LGI2: variants seen among roughly 807,000 people sequenced by gnomAD.
LGI2 encodes the protein leucine rich repeat LGI family member 2.
In LGI2, 30 loss-of-function variants were observed where a neutral mutation model predicts 52.0. The ratio of observed to expected loss-of-function variants is 0.58; its 90% CI spans 0.43 to 0.78. LGI2 has a LOEUF of 0.78. Among genes scored for constraint, LGI2 ranks in the 30% least tolerant of loss-of-function variants. The pLI, the probability that LGI2 is intolerant of heterozygous loss-of-function variation, is 0.00. For synonymous variants in LGI2, 270 were observed against 271.8 expected, an observed-to-expected ratio of 0.99 and a Z score of 0.06; for missense variants, 573 against 692.5, an observed-to-expected ratio of 0.83 and a Z score of 1.94.
intron 6 of LGI2, among the ~76,000 whole-genome samples, chr4:25,014,925 G>A (rs1390146385): frequency 2.0e-5 from 3 of 151,112 alleles, no homozygotes; most frequent in Non-Finnish European, 4.4e-5. Context: ...GAGGACCAGA[G>A]GAATTTAAAT....
At chr4:25,021,399 T>C (rs1237765510) in intron 4 of LGI2, among the ~76,000 whole-genome samples, 4 of 152,210 alleles carry the variant, frequency 2.6e-5, no homozygotes, top group Admixed American at 6.5e-5. Flanking sequence ...TCTTTTCCTA[T>C]GCATGTGAGT....
At chr4:25,026,468 C>A (rs1405021800) in intron 3 of LGI2, among the ~76,000 whole-genome samples, 1 of 152,018 alleles carries the variant, frequency 6.6e-6, no homozygotes, top group African/African-American at 2.4e-5. Context: ...TGAAGTTGTA[C>A]CCCCCAAATA....
rs138599147 is a variant in LGI2 at position 25,003,530 on chromosome 4, C to T, written c.1559G>A (p.Arg520Lys). Reference protein sequence around the residue: ...PRSFTAVSTDRRDFFFASSFK... With the variant: ...PRSFTAVSTDKRDFFFASSFK... ...ACTGGATGCAAAAAAGAAATCTCTC[C>T]TGTCGGTGGAGACAGCTGTGAATGA... Residue 520 changes from arginine (R) to lysine (K), a missense_variant, in exon 8 of 8, where the codon AGG becomes AAG. Coordinates refer to ENST00000382114, the MANE Select transcript of LGI2 (RefSeq NM_018176.4). The T allele has an allele frequency of 8.7e-6, 14 of 1,611,522 alleles. No homozygotes were observed. The highest frequency in any genetic ancestry group is 1.7e-4 in the Middle Eastern group (1 of 6,058).
At chr4:25,027,941 G>A (rs79649751) in intron 2 of LGI2, among the ~76,000 whole-genome samples, 6,495 of 152,280 alleles carry the variant, frequency 0.043, 457 homozygotes, top group African/African-American at 0.15. Flanking sequence ...TGGGCTTTTG[G>A]CCCTGGACTA....
downstream of LGI2, among the ~76,000 whole-genome samples, chr4:24,997,883 ATTTTT>A (rs10708368): frequency 6.6e-6 from 1 of 151,272 alleles, no homozygotes; most frequent in Non-Finnish European, 1.5e-5. Context: ...GATGCAGAAC[ATTTTT>A]TTTTAAGAGA....
At chr4:24,995,975 G>A (rs1725063725), downstream of LGI2, among the ~76,000 whole-genome samples, 1 of 152,222 alleles carries the variant, frequency 6.6e-6, no homozygotes, top group Admixed American at 6.5e-5. Flanking sequence ...GTAAAGGTGA[G>A]CTTTGCGGAA....
Position 25,030,481 on chromosome 4 carries a change from G to A in LGI2, c.197+16C>T. 1 of 1,573,362 alleles carries A rather than the reference G, an allele frequency of 6.4e-7. No individual in the cohort carries two copies. The highest frequency in any genetic ancestry group is 1.3e-5 in the African/African-American group (1 of 74,484). ...GTGGGGCGGGACGGGATGGGGGCTG[G>A]AGGGGTCCCACTCACAGGGAGCTGA... is the stretch of plus-strand genomic sequence containing the variant. On this transcript the variant is annotated intron_variant, in intron 1 of 7. Coordinates refer to ENST00000382114, the MANE Select transcript of LGI2 (RefSeq NM_018176.4).
At chr4:25,014,376 T>G (rs140537891) in intron 6 of LGI2, among the ~76,000 whole-genome samples, 50 of 152,320 alleles carry the variant, frequency 3.3e-4, no homozygotes, top group African/African-American at 1.2e-3. Flanking sequence ...CCCCATATAG[T>G]GGTTTCATAA....
At position 25,021,747 on chromosome 4, in the gene LGI2, C is replaced by T. The variant is rs1427939326; in HGVS notation, c.414-2509G>A. Among the ~76,000 whole-genome samples, 8 of 151,978 alleles carry T rather than the reference C, an allele frequency of 5.3e-5. No individual in the cohort carries two copies. The East Asian group carries it at 9.7e-4, about 18-fold the overall frequency. ...GAGATTGAGACCATCCTGGCTAACACGGTGAAACGCTGTCTCTACTAAAAA... is the reference window on the plus strand; with the variant it reads ...GAGATTGAGACCATCCTGGCTAACATGGTGAAACGCTGTCTCTACTAAAAA... On this transcript the variant is annotated intron_variant, in intron 4 of 7. Coordinates refer to ENST00000382114, the MANE Select transcript of LGI2 (RefSeq NM_018176.4).
At chr4:25,021,930 C>CAAAAAAA (rs35526176) in intron 4 of LGI2, among the ~76,000 whole-genome samples, 4 of 76,558 alleles carry the variant, frequency 5.2e-5, no homozygotes, top group African/African-American at 8.4e-5. Context: ...GATTCCATCT[C>CAAAAAAA]AAAAAAAAAA....
At chr4:25,022,744 G>A (rs546225955) in intron 4 of LGI2, among the ~76,000 whole-genome samples, 15 of 152,314 alleles carry the variant, frequency 9.8e-5, no homozygotes, top group Non-Finnish European at 1.9e-4. Flanking sequence ...AAATACCCGC[G>A]CATGATACCT....
intron 4 of LGI2, 111 bp from the exon 5 acceptor site, chr4:25,019,349 G>C (rs529341292): frequency 1.0e-5 from 7 of 669,514 alleles, no homozygotes; most frequent in Admixed American, 8.2e-5. Context: ...CATCAATACT[G>C]AGATAGAGAA....
the LGI2 span, among the ~76,000 whole-genome samples, chr4:24,993,818 G>A: frequency 1.4e-4 from 22 of 152,260 alleles, no homozygotes; most frequent in Non-Finnish European, 1.9e-4. Context: ...TATTTATTGC[G>A]ACAGAAAATG....
In LGI2 at chr4:25,002,106, A is replaced by G. The variant is rs1487695690; in HGVS notation, c.*1345T>C. On this transcript the variant is annotated 3_prime_UTR_variant, in exon 8 of 8. Coordinates refer to ENST00000382114, the MANE Select transcript of LGI2 (RefSeq NM_018176.4). ...AGAGAGGCCCATTTGGAAATACACCATCTGGTCTCTTGAGCACAGACCTGG... is the reference window on the plus strand; with the variant it reads ...AGAGAGGCCCATTTGGAAATACACCGTCTGGTCTCTTGAGCACAGACCTGG... 1 of 151,758 alleles carries G rather than the reference A, an allele frequency of 6.6e-6. No homozygotes were observed. Among genetic ancestry groups the G allele is most frequent in the Non-Finnish European group, 1.5e-5 (1 of 67,782 alleles). 9.4% of individuals were successfully genotyped at this position (151,758 alleles called of 1,614,324 possible). A position where few individuals can be genotyped will look rare whatever the true frequency, so the allele number is the denominator to read the frequency against.
Position 25,003,520 on chromosome 4 carries a change from G to C in LGI2, c.1569C>G (p.Phe523Leu). ...TCCCTTTGAAACTGGATGCAAAAAA[G>C]AAATCTCTCCTGTCGGTGGAGACAG... Reference protein sequence around the residue: ...FTAVSTDRRDFFFASSFKGKT... With the variant: ...FTAVSTDRRDLFFASSFKGKT... Residue 523 changes from phenylalanine to leucine, a missense_variant, in exon 8 of 8, where the codon TTC (phenylalanine) becomes TTG (leucine). By Grantham distance (22) the Phe-to-Leu change is conservative. Transcript: ENST00000382114. 1.2e-6 allele frequency: 2 copies of C among 1,606,968 alleles called. No homozygotes were observed. Among genetic ancestry groups the C allele is most frequent in the Non-Finnish European group, 1.7e-6 (2 of 1,178,470 alleles).
At chr4:25,009,995 G>C (rs28657578) in intron 7 of LGI2, among the ~76,000 whole-genome samples, 2 of 151,996 alleles carry the variant, frequency 1.3e-5, no homozygotes, top group South Asian at 4.1e-4. Flanking sequence ...CTGGCTCAGA[G>C]TAAGCGTTCA....
chr4:25,017,541 C>CAAAAAAAAAAAA (rs66740392), intron 6 of LGI2, among the ~76,000 whole-genome samples: 4 of 53,244 alleles, frequency 7.5e-5, no homozygotes, highest in Admixed American at 2.8e-4. Flanking sequence ...GACTCTGCCT[C>CAAAAAAAAAAAA]AAAAAAAAAA....
chr4:25,014,845 AAAAAAAAAAG>A (rs1456879641), intron 6 of LGI2, among the ~76,000 whole-genome samples: 53 of 143,674 alleles, frequency 3.7e-4, no homozygotes, highest in African/African-American at 1.4e-3. Context: ...AAAAAAAAAA[AAAAAAAAAAG>A]AGAGAGAGAG....
At chr4:25,026,812 C>T in intron 3 of LGI2, 56 bp downstream of exon 3, 1 of 1,393,372 alleles carries the variant, frequency 7.2e-7, no homozygotes, top group Admixed American at 1.7e-5. Context: ...GAAACCAATC[C>T]AGAAATTCTA....
Sources: gnomAD v4.1 joint callset for allele counts (sites outside exome capture counted in the v4.1 genomes callset) on GRCh38, gnomAD v4.1.1 for gene constraint, MANE v1.5 for transcripts, NCBI Gene and HGNC (gene_info 2026-07-23, HGNC 2026-07-21) for gene names.